SLCO2A1: variants seen among roughly 807,000 people sequenced by gnomAD.
SLCO2A1 encodes the protein solute carrier organic anion transporter family member 2A1.
A neutral mutation model predicts 71.7 loss-of-function variants in SLCO2A1; 60 were observed. The observed-to-expected ratio is 0.84, with a 90% CI of 0.68 to 1.04. SLCO2A1 has a LOEUF of 1.04. Among genes scored for constraint, SLCO2A1 ranks in the 50% least tolerant of loss-of-function variants. SLCO2A1 has a pLI of 0.00. For missense variants in SLCO2A1, 745 were observed against 813.4 expected, an observed-to-expected ratio of 0.92 and a Z score of 1.02; for synonymous variants, 308 against 326.7, an observed-to-expected ratio of 0.94 and a Z score of 0.62.
intron 1 of SLCO2A1, among the ~76,000 whole-genome samples, chr3:134,011,207 T>C (rs140531573): frequency 1.9e-3 from 282 of 152,270 alleles, no homozygotes; most frequent in African/African-American, 6.6e-3. Flanking sequence ...TGCACCACCA[T>C]GCCCAGCTAA....
chr3:133,951,136 C>G (rs774473299), intron 6 of SLCO2A1, 72 bp downstream of exon 6: 109 of 1,592,624 alleles, frequency 6.8e-5, no homozygotes, highest in Non-Finnish European at 8.1e-5. Flanking sequence ...CTTTTTAGCT[C>G]TATTTATTTT....
At chr3:134,022,242 T>C (rs1226588099) in intron 1 of SLCO2A1, among the ~76,000 whole-genome samples, 1 of 152,114 alleles carries the variant, frequency 6.6e-6, no homozygotes, top group Non-Finnish European at 1.5e-5. Flanking sequence ...AGAAAAAAGT[T>C]ATAAAAAAGA....
chr3:133,973,927 G>A (rs1934393421), intron 2 of SLCO2A1, 102 bp from the exon 3 acceptor site: 1 of 1,222,764 alleles, frequency 8.2e-7, no homozygotes, highest in African/African-American at 1.5e-5. Context: ...TGGAAAGGGA[G>A]GGGGCTGCCC....
chr3:133,936,313 T>G (rs2108035756), intron 12 of SLCO2A1, among the ~76,000 whole-genome samples: 1 of 152,254 alleles, frequency 6.6e-6, no homozygotes, highest in East Asian at 1.9e-4. Context: ...AGGAAGGGGT[T>G]CTTGGCTGGG....
chr3:134,006,223 T>A (rs1385178027), intron 1 of SLCO2A1, among the ~76,000 whole-genome samples: 5 of 152,162 alleles, frequency 3.3e-5, no homozygotes, highest in Non-Finnish European at 7.4e-5. Flanking sequence ...TCTATTTTTT[T>A]AAATTTTTTG....
At chr3:133,975,450 CT>C (rs1934420716) in intron 2 of SLCO2A1, among the ~76,000 whole-genome samples, 1 of 152,196 alleles carries the variant, frequency 6.6e-6, no homozygotes. Context: ...TGGTAGCCTC[CT>C]AACGGGACCC....
At chr3:133,936,824 C>G (rs766001847) in intron 12 of SLCO2A1, among the ~76,000 whole-genome samples, 6 of 152,138 alleles carry the variant, frequency 3.9e-5, no homozygotes, top group Non-Finnish European at 7.4e-5. Flanking sequence ...CCTGCTCACT[C>G]TCAAGTCTCC....
chr3:134,009,504 GTGAGTCATA>G (rs1360551202), intron 1 of SLCO2A1, among the ~76,000 whole-genome samples: 1 of 152,246 alleles, frequency 6.6e-6, no homozygotes, highest in African/African-American at 2.4e-5. Context: ...TTCTGAGAAG[GTGAGTCATA>G]TGATAAAGCA....
intron 1 of SLCO2A1, among the ~76,000 whole-genome samples, chr3:133,990,437 GTT>G (rs1006682274): frequency 6.6e-6 from 1 of 152,140 alleles, no homozygotes. Flanking sequence ...ATTCTGTCCC[GTT>G]TTTCAATGGG....
chr3:133,947,480 C>T, intron 8 of SLCO2A1, 35 bp from the exon 9 acceptor site: 1 of 1,569,370 alleles, frequency 6.4e-7, no homozygotes, highest in Non-Finnish European at 8.7e-7. Context: ...TCCAGGTGCA[C>T]AGGCCTGGGA....
chr3:133,986,885 C>G (rs896272636), intron 1 of SLCO2A1, among the ~76,000 whole-genome samples: 1 of 152,114 alleles, frequency 6.6e-6, no homozygotes, highest in African/African-American at 2.4e-5. Context: ...ATGTTCATGC[C>G]TCTCTTTTCC....
intron 6 of SLCO2A1, among the ~76,000 whole-genome samples, chr3:133,949,410 CCT>C (rs1933677816): frequency 6.6e-6 from 1 of 151,966 alleles, no homozygotes; most frequent in Middle Eastern, 3.2e-3. Context: ...CTTTCTATCT[CCT>C]CTCTGGGATT....
At chr3:133,956,357 C>A (rs926632398) in intron 3 of SLCO2A1, among the ~76,000 whole-genome samples, 8 of 152,172 alleles carry the variant, frequency 5.3e-5, no homozygotes, top group African/African-American at 1.4e-4. Flanking sequence ...GCCCTTTCCC[C>A]TCTCCCCAGT....
intron 3 of SLCO2A1, among the ~76,000 whole-genome samples, chr3:133,971,770 G>A (rs768896126): frequency 1.3e-5 from 2 of 152,132 alleles, no homozygotes; most frequent in African/African-American, 4.8e-5. Flanking sequence ...TCTCACAAAT[G>A]TCTATCACAA....
At chr3:134,002,280 GTC>G (rs539392221) in intron 1 of SLCO2A1, among the ~76,000 whole-genome samples, 238 of 152,232 alleles carry the variant, frequency 1.6e-3, no homozygotes, top group African/African-American at 5.1e-3. Context: ...AGAAGGCTCC[GTC>G]CTCAGCACCC....
chr3:134,009,696 G>A (rs1384719523), intron 1 of SLCO2A1, among the ~76,000 whole-genome samples: 1 of 152,244 alleles, frequency 6.6e-6, no homozygotes, highest in Non-Finnish European at 1.5e-5. Flanking sequence ...AGGAAACTGA[G>A]GAATGAAGAC....
At chr3:134,027,103 C>G (rs1935713679) in intron 1 of SLCO2A1, among the ~76,000 whole-genome samples, 1 of 152,190 alleles carries the variant, frequency 6.6e-6, no homozygotes, top group Non-Finnish European at 1.5e-5. Context: ...CACTATCGAT[C>G]TGTCTTGCAA....
At position 133,994,661 on chromosome 3, in the gene SLCO2A1, G is replaced by C. The variant is rs572574800; in HGVS notation, c.97-15043C>G. ...TGGGTGCCCTGCTCATGCACCCTTG[G>C]GGGGAAGCTGGGCTTCACACTGAAG... On this transcript the variant is annotated intron_variant, in intron 1 of 13. Coordinates refer to ENST00000310926, the MANE Select transcript of SLCO2A1 (RefSeq NM_005630.3). Among the ~76,000 whole-genome samples, 16 of 152,188 alleles carry C rather than the reference G, an allele frequency of 1.1e-4. 1 individual carries two copies. Among genetic ancestry groups the C allele is most frequent in the Admixed American group, 9.8e-4 (15 of 15,286 alleles).
chr3:133,992,647 G>A (rs985271270), intron 1 of SLCO2A1, among the ~76,000 whole-genome samples: 1 of 152,352 alleles, frequency 6.6e-6, no homozygotes, highest in Non-Finnish European at 1.5e-5. Flanking sequence ...TCTGCCAGCA[G>A]AGGGAGGAGA....
Sources: gnomAD v4.1 joint callset for allele counts (sites outside exome capture counted in the v4.1 genomes callset) on GRCh38, gnomAD v4.1.1 for gene constraint, MANE v1.5 for transcripts, NCBI Gene and HGNC (gene_info 2026-07-23, HGNC 2026-07-21) for gene names.